The following ADGRL2 variants were observed in gnomAD, a reference collection of about 807,000 sequenced individuals.
ADGRL2 encodes calcium-independent alpha-latrotoxin receptor 2.
ADGRL2 carries 44 observed loss-of-function variants against 157.4 expected under a neutral mutation model. The observed-to-expected ratio is 0.28, with a 90% CI of 0.22 to 0.36. ADGRL2 has a LOEUF of 0.36. Ranked by LOEUF, ADGRL2 falls within the 10% of genes least tolerant of loss-of-function variation. The pLI is 1.00. For synonymous variants in ADGRL2, 585 were observed against 624.7 expected (o/e 0.94, Z 0.95); for missense variants, 1,510 against 1,768.9 (o/e 0.85, Z 2.63).
chr1:81,339,559 C>T lies in ADGRL2; in HGVS notation c.-302+33050C>T, dbSNP rs1661910058. Among the ~76,000 whole-genome samples, 3 of 151,630 alleles carry T rather than the reference C, an allele frequency of 2.0e-5. No individual in the cohort carries two copies. In the South Asian group the frequency reaches 6.2e-4, roughly 32 times the overall value. ...CTTCTGTTAATCTTTCTTATTGTAC[C>T]TTATTGGTCCCTTGGGGTTGTTTTG... On this transcript the variant is annotated intron_variant, in intron 1 of 24. Coordinates refer to the ADGRL2 transcript ENST00000370721.
chr1:81,673,537 C>T (rs1251837115), intron 3 of ADGRL2, among the ~76,000 whole-genome samples: 23 of 114,598 alleles, frequency 2.0e-4, no homozygotes, highest in Middle Eastern at 7.7e-3. Flanking sequence ...TTTTTTGAGA[C>T]GGAGTCTCAC....
intron 2 of ADGRL2, among the ~76,000 whole-genome samples, chr1:81,468,509 C>T (rs1290855453): frequency 6.6e-6 from 1 of 152,118 alleles, no homozygotes. Context: ...AAGAAGTTTT[C>T]TGTGACAACA....
chr1:81,844,025 G>C (rs2092696153), intron 2 of ADGRL2, among the ~76,000 whole-genome samples: 1 of 152,120 alleles, frequency 6.6e-6, no homozygotes, highest in African/African-American at 2.4e-5. Context: ...CAGTCACCCA[G>C]CAGACCTCAA....
At chr1:81,685,567 A>G (rs1246175566) in intron 3 of ADGRL2, among the ~76,000 whole-genome samples, 1 of 152,178 alleles carries the variant, frequency 6.6e-6, no homozygotes, top group Non-Finnish European at 1.5e-5. Flanking sequence ...GTGAAGGACC[A>G]TATTTTCAGC....
intron 2 of ADGRL2, among the ~76,000 whole-genome samples, chr1:81,881,441 G>T (rs2093985068): frequency 6.6e-6 from 1 of 152,210 alleles, no homozygotes; most frequent in African/African-American, 2.4e-5. Context: ...ATCCCAAAGT[G>T]CTGGGATTAC....
At chr1:81,374,711 T>C (rs754260009) in intron 1 of ADGRL2, among the ~76,000 whole-genome samples, 1 of 152,228 alleles carries the variant, frequency 6.6e-6, no homozygotes, top group Non-Finnish European at 1.5e-5. Context: ...GTAGCACTTG[T>C]CTGCTCTGGC....
Position 81,915,731 on chromosome 1 carries a change from T to G in ADGRL2, c.287+8501T>G, listed in dbSNP as rs74474908. ...TATCTCATTTCAACTTTGGTGATTT[T>G]GCTTCAGTTTTTATTTTTAGTTTTG... On this transcript the variant is annotated intron_variant, in intron 3 of 23. Transcript: ENST00000686636. 7.7e-3 allele frequency among the ~76,000 whole-genome samples: 1,176 copies of G among 152,306 alleles called. 18 individuals carry two copies. Among genetic ancestry groups the G allele is most frequent in the African/African-American group, 0.027 (1,111 of 41,572 alleles).
At chr1:81,531,939 G>A (rs1263869853) in intron 2 of ADGRL2, among the ~76,000 whole-genome samples, 5 of 152,018 alleles carry the variant, frequency 3.3e-5, no homozygotes, top group Non-Finnish European at 7.4e-5. Context: ...ATATACTTAG[G>A]TCTAACTGGC....
At chr1:81,610,001 GC>G (rs1244340099) in intron 3 of ADGRL2, among the ~76,000 whole-genome samples, 1 of 152,172 alleles carries the variant, frequency 6.6e-6, no homozygotes, top group Non-Finnish European at 1.5e-5. Context: ...TAGCTGAAGT[GC>G]TTGCTTGTAG....
At chr1:81,436,527 T>C (rs1015943231) in intron 1 of ADGRL2, among the ~76,000 whole-genome samples, 3 of 152,230 alleles carry the variant, frequency 2.0e-5, no homozygotes, top group Non-Finnish European at 1.5e-5. Flanking sequence ...TGGGATCACT[T>C]TATGGCTCTT....
chr1:81,942,917 C>T (rs1012139115), intron 5 of ADGRL2, 52 bp from the exon 6 acceptor site: 11 of 1,343,694 alleles, frequency 8.2e-6, no homozygotes, highest in Admixed American at 1.8e-5. Flanking sequence ...ACTTGTTTGC[C>T]TGTGTAATTT....
intron 2 of ADGRL2, among the ~76,000 whole-genome samples, chr1:81,544,086 T>C (rs116718883): frequency 0.013 from 2,016 of 152,226 alleles, 14 homozygotes; most frequent in Non-Finnish European, 0.022. Context: ...CCCGAACCCA[T>C]CTGGCAACCC....
chr1:81,814,663 A>G (rs1440628033), intron 1 of ADGRL2, among the ~76,000 whole-genome samples: 1 of 151,496 alleles, frequency 6.6e-6, no homozygotes, highest in Non-Finnish European at 1.5e-5. Context: ...AATAAACAAT[A>G]TTAGTGTCAT....
At chr1:81,731,451 C>T (rs1243433911) in intron 1 of ADGRL2, among the ~76,000 whole-genome samples, 1 of 152,084 alleles carries the variant, frequency 6.6e-6, no homozygotes, top group African/African-American at 2.4e-5. Context: ...GAATAAATGC[C>T]ATGACTTTGC....
chr1:81,654,783 A>C (rs2082495003), intron 3 of ADGRL2, among the ~76,000 whole-genome samples: 1 of 152,164 alleles, frequency 6.6e-6, no homozygotes, highest in East Asian at 1.9e-4. Flanking sequence ...TAGATGGCTG[A>C]ATTTCATTAT....
intron 2 of ADGRL2, among the ~76,000 whole-genome samples, chr1:81,787,802 A>C (rs943453051): frequency 2.6e-5 from 4 of 152,242 alleles, no homozygotes; most frequent in South Asian, 2.1e-4. Flanking sequence ...ATATAATTTC[A>C]ATATGACCTA....
At chr1:81,406,779 A>G (rs144578642) in intron 1 of ADGRL2, among the ~76,000 whole-genome samples, 47 of 152,244 alleles carry the variant, frequency 3.1e-4, no homozygotes, top group African/African-American at 1.0e-3. Context: ...CTGCTCCCCA[A>G]TCAGCAACAT....
At chr1:81,862,856 A>G (rs1428561855) in intron 2 of ADGRL2, among the ~76,000 whole-genome samples, 5 of 152,180 alleles carry the variant, frequency 3.3e-5, no homozygotes, top group Non-Finnish European at 7.3e-5. Context: ...CATTCACACT[A>G]TTGTAAACAA....
chr1:81,586,540 T>C (rs1313932128), intron 3 of ADGRL2, among the ~76,000 whole-genome samples: 1 of 152,088 alleles, frequency 6.6e-6, no homozygotes, highest in Non-Finnish European at 1.5e-5. Context: ...ATATACTGGG[T>C]TTGAAAAAAT....
Sources: gnomAD v4.1 joint callset for allele counts (sites outside exome capture counted in the v4.1 genomes callset) on GRCh38, gnomAD v4.1.1 for gene constraint, MANE v1.5 for transcripts, NCBI Gene and HGNC (gene_info 2026-07-23, HGNC 2026-07-21) for gene names.